The following C10orf90 variants were observed in gnomAD, a reference collection of about 807,000 sequenced individuals.
C10orf90 encodes (E2-independent) E3 ubiquitin-conjugating enzyme FATS.
C10orf90 carries 56 observed loss-of-function variants against 62.5 expected under a neutral mutation model. The observed-to-expected ratio is 0.90, with a 90% confidence interval of 0.72 to 1.12. The LOEUF (loss-of-function observed/expected upper bound fraction) is 1.12, where lower values mean the gene tolerates loss of function less well. Ranked by LOEUF, C10orf90 falls within the 50% of genes most tolerant of loss-of-function variation. C10orf90 has a pLI of 0.00. For missense variants in C10orf90, 970 were observed against 880.4 expected (o/e 1.10, Z -1.29); for synonymous variants, 386 against 340.4 (o/e 1.13, Z -1.47).
At chr10:126,616,124 C>T (rs1321251531) in intron 2 of C10orf90, among the ~76,000 whole-genome samples, 2 of 152,166 alleles carry the variant, frequency 1.3e-5, no homozygotes, top group African/African-American at 4.8e-5. Flanking sequence ...CCCAGCACTT[C>T]TTGTTGGAGT....
At chr10:126,460,513 C>T (rs1485054480) in intron 6 of C10orf90, among the ~76,000 whole-genome samples, 1 of 152,226 alleles carries the variant, frequency 6.6e-6, no homozygotes, top group Admixed American at 6.5e-5. Flanking sequence ...GCCAGCTCCC[C>T]ACATGGTGCC....
intron 4 of C10orf90, among the ~76,000 whole-genome samples, chr10:126,476,529 G>T (rs954064366): frequency 6.6e-6 from 1 of 152,186 alleles, no homozygotes; most frequent in Non-Finnish European, 1.5e-5. Flanking sequence ...ACCCCAGCTG[G>T]TTTTCTCTGC....
intron 7 of C10orf90, among the ~76,000 whole-genome samples, chr10:126,447,607 C>T (rs1361208261): frequency 6.6e-6 from 1 of 152,066 alleles, no homozygotes; most frequent in Non-Finnish European, 1.5e-5. Context: ...ATCTCACTTT[C>T]AGCAATGAAC....
chr10:126,515,900 CAG>C (rs1434898169), intron 2 of C10orf90, among the ~76,000 whole-genome samples: 1 of 152,162 alleles, frequency 6.6e-6, no homozygotes, highest in African/African-American at 2.4e-5. Context: ...TATTGAGTGA[CAG>C]AGACAGTTAT....
At chr10:126,549,750 A>AG (rs1864584709) in intron 2 of C10orf90, among the ~76,000 whole-genome samples, 1 of 141,182 alleles carries the variant, frequency 7.1e-6, no homozygotes, top group Non-Finnish European at 1.6e-5. Context: ...ATAGCAAAAA[A>AG]AAAAAAAAAA....
intron 7 of C10orf90, among the ~76,000 whole-genome samples, chr10:126,432,758 C>T (rs552492772): frequency 6.6e-6 from 1 of 152,348 alleles, no homozygotes; most frequent in Admixed American, 6.5e-5. Flanking sequence ...TTACAGCTGC[C>T]TGGGGATTTT....
intron 2 of C10orf90, among the ~76,000 whole-genome samples, chr10:126,643,910 A>G (rs1000693734): frequency 1.5e-4 from 23 of 152,326 alleles, no homozygotes; most frequent in African/African-American, 5.0e-4. Flanking sequence ...AAGGCCGGCC[A>G]TGGAGAGCCC....
At chr10:126,512,641 C>T (rs902398743) in intron 3 of C10orf90, among the ~76,000 whole-genome samples, 1 of 152,074 alleles carries the variant, frequency 6.6e-6, no homozygotes, top group Non-Finnish European at 1.5e-5. Context: ...GACTCAATCT[C>T]TCTCCTCCTA....
chr10:126,568,358 C>T (rs938353319), intron 2 of C10orf90, among the ~76,000 whole-genome samples: 6 of 152,148 alleles, frequency 3.9e-5, no homozygotes, highest in African/African-American at 7.2e-5. Flanking sequence ...GTAGGACCAC[C>T]GTCCTTATTT....
chr10:126,526,491 G>A lies in C10orf90; in HGVS notation c.314-12552C>T, dbSNP rs531931641. Among the ~76,000 whole-genome samples, 6 of 152,172 alleles carry A rather than the reference G, an allele frequency of 3.9e-5. No homozygotes were observed. In the South Asian group the frequency reaches 6.2e-4, roughly 16 times the overall value. ...GATCTCCTGACCTCGTGATCCGCCC[G>A]CCTCGGCCTCCCAAAGTGCTGGGAT... is the stretch of plus-strand genomic sequence containing the variant. On this transcript the variant is annotated intron_variant, in intron 2 of 9. Transcript: ENST00000488181.
At chr10:126,633,512 G>C (rs988288337) in intron 2 of C10orf90, among the ~76,000 whole-genome samples, 5 of 152,248 alleles carry the variant, frequency 3.3e-5, no homozygotes, top group Non-Finnish European at 7.3e-5. Context: ...TCCGTGGCAA[G>C]CTGGGAGAAG....
At chr10:126,645,181 CAGCGCACCA>C (rs1376499034) in intron 2 of C10orf90, among the ~76,000 whole-genome samples, 1 of 149,632 alleles carries the variant, frequency 6.7e-6, no homozygotes, top group Non-Finnish European at 1.5e-5. Context: ...TTAGTGGGTG[CAGCGCACCA>C]GCATGGCACA....
At chr10:126,485,808 G>A (rs111432475) in intron 4 of C10orf90, among the ~76,000 whole-genome samples, 9,227 of 151,748 alleles carry the variant, frequency 0.061, 916 homozygotes, top group African/African-American at 0.21. Flanking sequence ...TTAGCCGGGC[G>A]TCGTGGTGGG....
rs989727740 is a variant in C10orf90, at chr10:126,579,745, G to A, written c.314-65806C>T. 2.0e-5 allele frequency among the ~76,000 whole-genome samples: 3 copies of A among 149,960 alleles called. 1 individual carries two copies. The highest frequency in any genetic ancestry group is 1.3e-4 in the Admixed American group (2 of 15,012). ...TTTTATTGCAAAATATCTCACATAT[G>A]TTTGTAAAGTAATGAAAAAAAAAAA... On this transcript the variant is annotated intron_variant, in intron 2 of 9. Transcript: ENST00000488181.
intron 2 of C10orf90, among the ~76,000 whole-genome samples, chr10:126,581,198 T>C (rs1367355549): frequency 6.6e-6 from 1 of 152,188 alleles, no homozygotes; most frequent in Non-Finnish European, 1.5e-5. Flanking sequence ...CTGGGCAAAA[T>C]GGGACCAACA....
chr10:126,558,946 C>T (rs1293603619), intron 2 of C10orf90, among the ~76,000 whole-genome samples: 4 of 152,218 alleles, frequency 2.6e-5, no homozygotes, highest in Non-Finnish European at 5.9e-5. Context: ...ATTAGAAATG[C>T]TAAAGGGCAA....
At chr10:126,617,410 C>G (rs546517545) in intron 2 of C10orf90, among the ~76,000 whole-genome samples, 1 of 152,320 alleles carries the variant, frequency 6.6e-6, no homozygotes, top group African/African-American at 2.4e-5. Flanking sequence ...GACCTAAATA[C>G]CTGCTCAGGG....
At chr10:126,449,347 T>C (rs1859013957) in intron 7 of C10orf90, among the ~76,000 whole-genome samples, 1 of 152,126 alleles carries the variant, frequency 6.6e-6, no homozygotes, top group Non-Finnish European at 1.5e-5. Flanking sequence ...CCTTTTATGG[T>C]AAAACTTCTC....
intron 2 of C10orf90, among the ~76,000 whole-genome samples, chr10:126,545,237 A>G (rs1171522029): frequency 6.6e-6 from 1 of 152,098 alleles, no homozygotes; most frequent in Non-Finnish European, 1.5e-5. Flanking sequence ...ATGCAAAAGG[A>G]GGTGAAATTG....
Sources: gnomAD v4.1 joint callset for allele counts (sites outside exome capture counted in the v4.1 genomes callset) on GRCh38, gnomAD v4.1.1 for gene constraint, MANE v1.5 for transcripts, NCBI Gene and HGNC (gene_info 2026-07-23, HGNC 2026-07-21) for gene names.